Variants in GADL1 observed in about 807,000 individuals in gnomAD.
GADL1 encodes GAD like acidic amino acid decarboxylase 1.
Under a neutral mutation model 69.5 loss-of-function variants are expected in GADL1, and 71 were observed. The ratio of observed to expected loss-of-function variants is 1.02; its 90% CI spans 0.84 to 1.25. GADL1 has a LOEUF of 1.25. Among genes scored for constraint, GADL1 ranks in the 50% most tolerant of loss-of-function variants. The probability of loss-of-function intolerance (pLI) is 0.00; values close to 1 mark genes in which losing one functional copy is unlikely to be tolerated. For missense variants in GADL1, 737 were observed against 631.8 expected, an observed-to-expected ratio of 1.17 and a Z score of -1.79; for synonymous variants, 254 against 214.4, an observed-to-expected ratio of 1.18 and a Z score of -1.62.
intron 14 of GADL1, among the ~76,000 whole-genome samples, chr3:30,734,830 C>T (rs1695517375): frequency 6.6e-6 from 1 of 152,158 alleles, no homozygotes; most frequent in Admixed American, 6.6e-5. Flanking sequence ...TAGCCATAAA[C>T]TGCAGAAATT....
At chr3:30,839,990 G>T (rs150974856) in intron 8 of GADL1, among the ~76,000 whole-genome samples, 2 of 152,024 alleles carry the variant, frequency 1.3e-5, no homozygotes, top group Non-Finnish European at 2.9e-5. Context: ...TGTGTTGCTC[G>T]CTGTGTAGGT....
chr3:30,840,922 C>T (rs569395257), intron 8 of GADL1, among the ~76,000 whole-genome samples: 1 of 152,326 alleles, frequency 6.6e-6, no homozygotes, highest in African/African-American at 2.4e-5. Flanking sequence ...TCTAAATATT[C>T]AATGTTCATC....
intron 8 of GADL1, 59 bp downstream of exon 8, chr3:30,844,151 G>T (rs1698015061): frequency 4.5e-6 from 6 of 1,321,902 alleles, no homozygotes; most frequent in African/African-American, 1.5e-5. Flanking sequence ...TTTCATAAGC[G>T]CGCGGGCGTG....
intron 14 of GADL1, among the ~76,000 whole-genome samples, chr3:30,761,758 G>A (rs1412075635): frequency 6.6e-6 from 1 of 152,044 alleles, no homozygotes; most frequent in African/African-American, 2.4e-5. Flanking sequence ...AAAAAATCTG[G>A]AACACTTTTT....
At chr3:30,814,397 T>C (rs1697419836) in intron 11 of GADL1, among the ~76,000 whole-genome samples, 1 of 152,240 alleles carries the variant, frequency 6.6e-6, no homozygotes, top group Non-Finnish European at 1.5e-5. Context: ...GTACACCTTA[T>C]ATATCCTATA....
chr3:30,740,202 A>G (rs1311676855), intron 14 of GADL1, among the ~76,000 whole-genome samples: 1 of 152,164 alleles, frequency 6.6e-6, no homozygotes, highest in East Asian at 1.9e-4. Context: ...TCTACGTAAG[A>G]GTTTGCTTGG....
chr3:30,835,733 A>T (rs1697862558), intron 9 of GADL1, among the ~76,000 whole-genome samples: 1 of 152,028 alleles, frequency 6.6e-6, no homozygotes, highest in Admixed American at 6.6e-5. Flanking sequence ...AGGCTCCATC[A>T]ACTCCATGGG....
chr3:30,886,474 C>T (rs1317459872), intron 1 of GADL1, among the ~76,000 whole-genome samples: 1 of 152,066 alleles, frequency 6.6e-6, no homozygotes, highest in Non-Finnish European at 1.5e-5. Flanking sequence ...ATGGACACAA[C>T]AAGAGCAAAC....
At chr3:30,828,704 A>G (rs921946751) in intron 11 of GADL1, among the ~76,000 whole-genome samples, 4 of 151,916 alleles carry the variant, frequency 2.6e-5, no homozygotes, top group Non-Finnish European at 4.4e-5. Flanking sequence ...TAAGTGTACA[A>G]ATGTCTTGCC....
Position 30,761,704 on chromosome 3 carries a change from T to C in GADL1, c.1392+16475A>G, listed in dbSNP as rs149393352. ...AGATTTTTTTAGACATATCCATTTG[T>C]GTGTGAGGGAAGTAGACAAAGTAAC... On this transcript the variant is annotated intron_variant, in intron 14 of 14. Transcript: ENST00000282538. 1.3e-4 allele frequency among the ~76,000 whole-genome samples: 17 copies of C among 128,560 alleles called. No individual in the cohort carries two copies. In the East Asian group the frequency reaches 3.5e-3, roughly 27 times the overall value. 84.3% of individuals were successfully genotyped at this position (128,560 alleles called of 152,430 possible). A position where few individuals can be genotyped will look rare whatever the true frequency, so the allele number is the denominator to read the frequency against.
intron 11 of GADL1, among the ~76,000 whole-genome samples, chr3:30,809,891 A>G (rs1312378140): frequency 6.6e-6 from 1 of 152,202 alleles, no homozygotes; most frequent in Admixed American, 6.5e-5. Context: ...GGATATATAC[A>G]TATTTTTTGT....
chr3:30,863,685 C>T (rs1027991367), intron 1 of GADL1, among the ~76,000 whole-genome samples: 3 of 151,206 alleles, frequency 2.0e-5, no homozygotes, highest in Non-Finnish European at 4.4e-5. Flanking sequence ...TATTTTAAAT[C>T]CATCTTAAAT....
At chr3:30,861,503 C>G in intron 2 of GADL1, 90 bp downstream of exon 2, 1 of 904,844 alleles carries the variant, frequency 1.1e-6, no homozygotes, top group Non-Finnish European at 1.7e-6. Flanking sequence ...AAAAACTTGG[C>G]CTTCCCATTT....
intron 11 of GADL1, among the ~76,000 whole-genome samples, chr3:30,815,331 CTGGT>C (rs1207763421): frequency 4.6e-5 from 7 of 151,826 alleles, no homozygotes; most frequent in African/African-American, 1.7e-4. Flanking sequence ...ACAGTTCTCT[CTGGT>C]CGGTTAGGAG....
At chr3:30,840,714 T>G (rs900171932) in intron 8 of GADL1, among the ~76,000 whole-genome samples, 2 of 152,204 alleles carry the variant, frequency 1.3e-5, no homozygotes, top group South Asian at 4.1e-4. Context: ...TGAGTTTTCC[T>G]CACCTTTAAA....
intron 11 of GADL1, among the ~76,000 whole-genome samples, chr3:30,807,783 G>A (rs1697279981): frequency 6.6e-6 from 1 of 152,206 alleles, no homozygotes; most frequent in African/African-American, 2.4e-5. Context: ...TGTAATCCCA[G>A]CACTTTGGGA....
At chr3:30,875,919 A>G (rs1009103727) in intron 1 of GADL1, among the ~76,000 whole-genome samples, 5 of 151,902 alleles carry the variant, frequency 3.3e-5, no homozygotes, top group Non-Finnish European at 5.9e-5. Flanking sequence ...TCACTATCAC[A>G]GTTTGGCAAT....
intron 2 of GADL1, among the ~76,000 whole-genome samples, chr3:30,860,861 GC>G (rs1464373949): frequency 2.0e-5 from 3 of 151,892 alleles, no homozygotes; most frequent in African/African-American, 7.2e-5. Context: ...ATAATCTTGG[GC>G]AACATATTTG....
intron 11 of GADL1, among the ~76,000 whole-genome samples, chr3:30,810,114 T>C: frequency 6.6e-6 from 1 of 152,170 alleles, no homozygotes; most frequent in East Asian, 1.9e-4. Context: ...TTTTGACATC[T>C]CCTTTCCTCG....
Sources: gnomAD v4.1 joint callset for allele counts (sites outside exome capture counted in the v4.1 genomes callset) on GRCh38, gnomAD v4.1.1 for gene constraint, MANE v1.5 for transcripts, NCBI Gene and HGNC (gene_info 2026-07-23, HGNC 2026-07-21) for gene names.